ITGB5: variants seen among roughly 807,000 people sequenced by gnomAD.
ITGB5 encodes integrin beta-5.
ITGB5 carries 38 observed loss-of-function variants against 84.8 expected under a neutral mutation model. The observed-to-expected ratio is 0.45, with a 90% CI of 0.35 to 0.59. The LOEUF (loss-of-function observed/expected upper bound fraction) is 0.59, where lower values mean the gene tolerates loss of function less well. ITGB5 is among the 20% of genes least tolerant of loss of function. The pLI, the probability that ITGB5 is intolerant of heterozygous loss-of-function variation, is 0.01. For synonymous variants in ITGB5, 393 were observed against 414.4 expected (o/e 0.95, Z 0.63); for missense variants, 905 against 1,034.5 (o/e 0.87, Z 1.72).
At chr3:124,886,851 C>T in intron 1 of ITGB5, 80 bp downstream of exon 1, 1 of 916,674 alleles carries the variant, frequency 1.1e-6, no homozygotes, top group Non-Finnish European at 1.4e-6. Flanking sequence ...ACCGCCTGCG[C>T]TCCCCGCCCC....
At chr3:124,828,222 T>A (rs1467960867) in intron 5 of ITGB5, among the ~76,000 whole-genome samples, 1 of 152,144 alleles carries the variant, frequency 6.6e-6, no homozygotes, top group East Asian at 1.9e-4. Flanking sequence ...CATACGTCCA[T>A]ACAAAGACAT....
intron 12 of ITGB5, among the ~76,000 whole-genome samples, chr3:124,767,027 C>T (rs969137750): frequency 1.3e-5 from 2 of 152,210 alleles, no homozygotes; most frequent in African/African-American, 4.8e-5. Flanking sequence ...GCTGCCATTC[C>T]CCAAGGTGGG....
In ITGB5 at chr3:124,763,287, GGCCCAGCATTCCTGGAAGGGAGAGACA is replaced by G. The variant is rs1353858516; in HGVS notation, c.*309_*335del. ...AGTCTTCTTGTCTGGCCAGGCTGGG[GGCCCAGCATTCCTGGAAGGGAGAGACA>G]GCCCAGCATCTCAGTATTTCATTGG... On this transcript the variant is annotated 3_prime_UTR_variant, in exon 15 of 15. Coordinates refer to ENST00000296181, the MANE Select transcript of ITGB5 (RefSeq NM_002213.5). The G allele has an allele frequency of 3.3e-5, 7 of 214,964 alleles. No homozygotes were observed. Among genetic ancestry groups the G allele is most frequent in the Non-Finnish European group, 5.6e-5 (6 of 107,106 alleles). 13.3% of individuals were successfully genotyped at this position (214,964 alleles called of 1,614,324 possible).
chr3:124,803,224 A>G lies in ITGB5; in HGVS notation c.1263+5798T>C, dbSNP rs1488701726. Reference sequence around the variant, plus strand: ...CTGTACACTAGGGTGTCCATCCATAAGTGGCCATGACACCACTGTATGCTT... The same window carrying G: ...CTGTACACTAGGGTGTCCATCCATAGGTGGCCATGACACCACTGTATGCTT... On this transcript the variant is annotated intron_variant, in intron 9 of 14. Coordinates refer to ENST00000296181, the MANE Select transcript of ITGB5 (RefSeq NM_002213.5). 2.0e-5 allele frequency among the ~76,000 whole-genome samples: 3 copies of G among 152,142 alleles called. No individual in the cohort carries two copies. The East Asian group carries it at 5.8e-4, about 29-fold the overall frequency.
chr3:124,807,036 T>C (rs990971238), intron 9 of ITGB5, among the ~76,000 whole-genome samples: 8 of 152,228 alleles, frequency 5.3e-5, no homozygotes, highest in African/African-American at 1.9e-4. Context: ...CAAAAAAAGT[T>C]CACATAAATA....
intron 2 of ITGB5, among the ~76,000 whole-genome samples, chr3:124,861,385 C>T (rs930900387): frequency 4.0e-5 from 6 of 150,470 alleles, no homozygotes; most frequent in South Asian, 2.1e-4. Context: ...GAGGATCGCT[C>T]GAGCCCAGGA....
chr3:124,879,396 G>A (rs1173639588), intron 1 of ITGB5, among the ~76,000 whole-genome samples: 3 of 152,204 alleles, frequency 2.0e-5, no homozygotes, highest in Admixed American at 2.0e-4. Flanking sequence ...GCAATGCCCT[G>A]GAATGCTTCT....
At chr3:124,818,107 CT>C (rs2064635277) in intron 7 of ITGB5, among the ~76,000 whole-genome samples, 1 of 152,172 alleles carries the variant, frequency 6.6e-6, no homozygotes, top group Non-Finnish European at 1.5e-5. Context: ...CTTTCAGGAT[CT>C]GCTCAATCTG....
intron 10 of ITGB5, among the ~76,000 whole-genome samples, chr3:124,775,098 G>A (rs1020212363): frequency 6.6e-6 from 1 of 152,204 alleles, no homozygotes; most frequent in South Asian, 2.1e-4. Flanking sequence ...GCCCTTCCTT[G>A]CAGGGGGTCC....
chr3:124,823,097 C>CA (rs1180859812), intron 5 of ITGB5, among the ~76,000 whole-genome samples: 1 of 151,860 alleles, frequency 6.6e-6, no homozygotes, highest in Non-Finnish European at 1.5e-5. Context: ...CCCATCTCTA[C>CA]AAAAAATATT....
chr3:124,813,020 G>A (rs1471535135), intron 8 of ITGB5, among the ~76,000 whole-genome samples: 1 of 152,138 alleles, frequency 6.6e-6, no homozygotes, highest in East Asian at 1.9e-4. Context: ...AAAAACACAA[G>A]CGGTCTGGAG....
intron 9 of ITGB5, among the ~76,000 whole-genome samples, chr3:124,805,798 C>T (rs953163042): frequency 6.6e-6 from 1 of 152,000 alleles, no homozygotes; most frequent in African/African-American, 2.4e-5. Flanking sequence ...GCCTTTGAGC[C>T]ATTATAGTCT....
intron 9 of ITGB5, among the ~76,000 whole-genome samples, chr3:124,803,280 G>A (rs1257512801): frequency 6.6e-6 from 1 of 152,082 alleles, no homozygotes; most frequent in Non-Finnish European, 1.5e-5. Flanking sequence ...AAAGTGTGTG[G>A]GAAACGCATG....
intron 9 of ITGB5, among the ~76,000 whole-genome samples, chr3:124,797,312 G>T (rs1362259944): frequency 6.6e-6 from 1 of 152,186 alleles, no homozygotes; most frequent in African/African-American, 2.4e-5. Context: ...CACCTGGCCC[G>T]CCATAGAGAG....
intron 9 of ITGB5, among the ~76,000 whole-genome samples, chr3:124,805,118 CCTTCCTTTCT>C (rs1486430125): frequency 1.4e-5 from 2 of 142,588 alleles, no homozygotes; most frequent in Non-Finnish European, 3.1e-5. Flanking sequence ...CCTTCCTTTC[CCTTCCTTTCT>C]CCCTTTCTCT....
At position 124,764,382 on chromosome 3, in the gene ITGB5, C is replaced by A. The variant is rs779437336; in HGVS notation, c.2304+9G>T. On this transcript the variant is annotated intron_variant, in intron 14 of 14. Transcript: ENST00000296181. ...AGTCTCCTCTGCTTCCCATTTCCCACGTGCTTACCATTTCATAGCGGGCCC... is the reference window on the plus strand; with the variant it reads ...AGTCTCCTCTGCTTCCCATTTCCCAAGTGCTTACCATTTCATAGCGGGCCC... 6.3e-7 allele frequency: 1 copy of A among 1,594,880 alleles called. No homozygotes were observed. The highest frequency in any genetic ancestry group is 2.3e-5 in the East Asian group (1 of 44,366).
chr3:124,893,143 C>T (rs189477090), intron 1 of ITGB5, among the ~76,000 whole-genome samples: 11 of 152,272 alleles, frequency 7.2e-5, no homozygotes, highest in Admixed American at 2.0e-4. Flanking sequence ...AGTGGTGTCT[C>T]ATGCCTGTAA....
rs113772164 is a variant in ITGB5, at chr3:124,895,280, G to A, written c.-255+5986C>T. On this transcript the variant is annotated intron_variant, in intron 1 of 4. Coordinates refer to the ITGB5 transcript ENST00000608657. Reference sequence around the variant, plus strand: ...CTCACACTGTTGCCCAGGTTGGAGTGCAGTGGCACCATCATAGCTCACTAC... The same window carrying A: ...CTCACACTGTTGCCCAGGTTGGAGTACAGTGGCACCATCATAGCTCACTAC... 4.4e-3 allele frequency among the ~76,000 whole-genome samples: 665 copies of A among 152,334 alleles called. 2 individuals are homozygous for A. The highest frequency in any genetic ancestry group is 0.016 in the African/African-American group (651 of 41,576).
chr3:124,880,121 T>A (rs1579336671), intron 1 of ITGB5, among the ~76,000 whole-genome samples: 1 of 152,164 alleles, frequency 6.6e-6, no homozygotes, highest in African/African-American at 2.4e-5. Flanking sequence ...ATCTGACCAG[T>A]GCTTCTTAAA....
Sources: gnomAD v4.1 joint callset for allele counts (sites outside exome capture counted in the v4.1 genomes callset) on GRCh38, gnomAD v4.1.1 for gene constraint, MANE v1.5 for transcripts, NCBI Gene and HGNC (gene_info 2026-07-23, HGNC 2026-07-21) for gene names.